Variants in PRKCA observed in about 807,000 individuals in gnomAD.
PRKCA encodes the protein protein kinase C alpha.
PRKCA carries 27 observed loss-of-function variants against 87.0 expected under a neutral mutation model. The ratio of observed to expected loss-of-function variants is 0.31; its 90% CI spans 0.23 to 0.43. PRKCA has a LOEUF of 0.43. PRKCA is among the 20% of genes least tolerant of loss of function. The probability of loss-of-function intolerance (pLI) is 1.00; values close to 1 mark genes in which losing one functional copy is unlikely to be tolerated. For missense variants in PRKCA, 518 were observed against 852.3 expected, an observed-to-expected ratio of 0.61 and a Z score of 4.88; for synonymous variants, 329 against 311.1, an observed-to-expected ratio of 1.06 and a Z score of -0.61.
intron 5 of PRKCA, among the ~76,000 whole-genome samples, chr17:66,660,900 C>T (rs932653647): frequency 4.6e-5 from 7 of 150,886 alleles, no homozygotes; most frequent in South Asian, 2.1e-4. Flanking sequence ...CAGAGCAAGA[C>T]GCTGTCTTAA....
chr17:66,303,434 G>C (rs1436318331), intron 1 of PRKCA, among the ~76,000 whole-genome samples: 1 of 152,140 alleles, frequency 6.6e-6, no homozygotes, highest in East Asian at 1.9e-4. Flanking sequence ...CCGGAGTAAC[G>C]GGGGAGCGGC....
rs186809424 is a variant in PRKCA, at chr17:66,589,104, G to T, written c.289-52251G>T. Among the ~76,000 whole-genome samples, 18 of 152,042 alleles carry T rather than the reference G, an allele frequency of 1.2e-4. 1 individual carries two copies. The East Asian group carries it at 2.7e-3, about 23-fold the overall frequency. ...GAACGTGAAGTCTGCCCACTTCCAG[G>T]TCATGGGATCTTAAGTTCTTATGAC... On this transcript the variant is annotated intron_variant, in intron 3 of 16. Transcript: ENST00000413366.
At chr17:66,776,543 C>T (rs1975053895) in intron 14 of PRKCA, among the ~76,000 whole-genome samples, 1 of 151,974 alleles carries the variant, frequency 6.6e-6, no homozygotes, top group Non-Finnish European at 1.5e-5. Context: ...CTCCTGACCT[C>T]GTGATCCACC....
chr17:66,639,541 C>A lies in PRKCA; in HGVS notation c.289-1814C>A, dbSNP rs1971235402. 2.0e-5 allele frequency among the ~76,000 whole-genome samples: 3 copies of A among 152,116 alleles called. No homozygotes were observed. In the South Asian group the frequency reaches 6.2e-4, roughly 32 times the overall value. ...TAGCTGGGATTACAGGCACACGCCA[C>A]CATGCCTGGGTAATTTTTGTATTTT... On this transcript the variant is annotated intron_variant, in intron 3 of 16. Coordinates refer to ENST00000413366, the MANE Select transcript of PRKCA (RefSeq NM_002737.3).
At chr17:66,526,368 C>T (rs1967348004) in intron 3 of PRKCA, among the ~76,000 whole-genome samples, 1 of 152,194 alleles carries the variant, frequency 6.6e-6, no homozygotes, top group Non-Finnish European at 1.5e-5. Context: ...GTTATCGCTT[C>T]CAGTCATGTT....
intron 2 of PRKCA, among the ~76,000 whole-genome samples, chr17:66,453,875 A>C (rs1358550354): frequency 1.3e-5 from 2 of 152,228 alleles, no homozygotes; most frequent in Non-Finnish European, 2.9e-5. Context: ...GGGTTTTTTC[A>C]GATCCAATAG....
In PRKCA at chr17:66,501,717, C is replaced by T. The variant is rs541395707; in HGVS notation, c.288+5434C>T. Among the ~76,000 whole-genome samples, 10 of 152,338 alleles carry T rather than the reference C, an allele frequency of 6.6e-5. No individual in the cohort carries two copies. In the South Asian group the frequency reaches 2.1e-3, roughly 32 times the overall value. ...CAGCATCCGAGGTTTCATCAGACAA[C>T]ATAAAATAAGACAAAAGTGCTCTGT... is the stretch of plus-strand genomic sequence containing the variant. On this transcript the variant is annotated intron_variant, in intron 3 of 16. Coordinates refer to ENST00000413366, the MANE Select transcript of PRKCA (RefSeq NM_002737.3).
chr17:66,391,585 C>T (rs1910360086), intron 2 of PRKCA, among the ~76,000 whole-genome samples: 1 of 152,210 alleles, frequency 6.6e-6, no homozygotes, highest in South Asian at 2.1e-4. Context: ...TACTCAACCA[C>T]TAGATGGTCA....
chr17:66,780,054 C>T (rs1054852827), intron 14 of PRKCA, among the ~76,000 whole-genome samples: 5 of 152,182 alleles, frequency 3.3e-5, no homozygotes, highest in Non-Finnish European at 7.3e-5. Context: ...GTCAGATGCT[C>T]CAGGGAGACT....
intron 2 of PRKCA, among the ~76,000 whole-genome samples, chr17:66,318,253 G>A (rs1019475334): frequency 1.3e-5 from 2 of 152,112 alleles, no homozygotes; most frequent in Admixed American, 1.3e-4. Flanking sequence ...TAAAAAATGA[G>A]GCTTTGTTTC....
intron 2 of PRKCA, among the ~76,000 whole-genome samples, chr17:66,478,801 C>A (rs1047462017): frequency 1.3e-5 from 2 of 152,160 alleles, no homozygotes; most frequent in Non-Finnish European, 2.9e-5. Context: ...TCTCTTGCAA[C>A]AACTTACAGT....
intron 16 of PRKCA, among the ~76,000 whole-genome samples, chr17:66,801,884 A>G (rs972458953): frequency 6.6e-6 from 1 of 152,194 alleles, no homozygotes; most frequent in Admixed American, 6.5e-5. Context: ...TGTGGTGTGA[A>G]ATCTCCTTGG....
chr17:66,727,682 A>C (rs1973790102), intron 8 of PRKCA, among the ~76,000 whole-genome samples: 1 of 152,020 alleles, frequency 6.6e-6, no homozygotes, highest in Non-Finnish European at 1.5e-5. Context: ...TTCCTGTTTG[A>C]GTTTTCTTGA....
Position 66,689,196 on chromosome 17 carries a change from T to C in PRKCA, c.918+149T>C. The C allele has an allele frequency of 3.5e-6, 2 of 568,976 alleles. No homozygotes were observed. Among genetic ancestry groups the C allele is most frequent in the Non-Finnish European group, 6.2e-6 (2 of 323,482 alleles). The allele number at this position is 568,976 out of a possible 1,614,324, so 35.2% of individuals were successfully genotyped here. A position where few individuals can be genotyped will look rare whatever the true frequency, so the allele number is the denominator to read the frequency against. On this transcript the variant is annotated intron_variant, in intron 8 of 16. Transcript: ENST00000413366. The surrounding 1 kb of genome is among the most constrained non-coding windows in gnomAD (Gnocchi z 4.1). The stretch of plus-strand genomic sequence containing the variant: ...TTTCTTTATTTAAAAACATGAATGT[T>C]GTTCGTTCCCTTTCCTTTGCAAGCT...
chr17:66,648,569 A>G (rs950945425), intron 5 of PRKCA, among the ~76,000 whole-genome samples: 12 of 152,218 alleles, frequency 7.9e-5, no homozygotes, highest in African/African-American at 2.7e-4. Flanking sequence ...ATTGGAATCT[A>G]TTTTTAAAGT....
At chr17:66,506,278 A>G (rs1916973286) in intron 3 of PRKCA, among the ~76,000 whole-genome samples, 1 of 151,324 alleles carries the variant, frequency 6.6e-6, no homozygotes, top group Non-Finnish European at 1.5e-5. Flanking sequence ...TCTGGGCGAC[A>G]CGGTGAGACC....
At chr17:66,592,539 A>G (rs1465556109) in intron 3 of PRKCA, among the ~76,000 whole-genome samples, 3 of 152,188 alleles carry the variant, frequency 2.0e-5, no homozygotes, top group African/African-American at 7.2e-5. Flanking sequence ...CGGTGCGTCC[A>G]AGGAATCACA....
intron 3 of PRKCA, among the ~76,000 whole-genome samples, chr17:66,617,258 A>G (rs865973835): frequency 2.0e-5 from 3 of 152,090 alleles, no homozygotes; most frequent in Non-Finnish European, 4.4e-5. Context: ...CTACCTCGGT[A>G]TGGGCTGTTT....
At chr17:66,495,525 G>GTATTTTATTTTATTTTATTT (rs56718851) in intron 2 of PRKCA, among the ~76,000 whole-genome samples, 31,491 of 137,152 alleles carry the variant, frequency 0.23, 4,412 homozygotes, top group Middle Eastern at 0.32. Context: ...ATGGTGCAAA[G>GTATTTTATTTTATTTTATTT]TATTTTATTT....
Sources: gnomAD v4.1 joint callset for allele counts (sites outside exome capture counted in the v4.1 genomes callset) on GRCh38, gnomAD v4.1.1 for gene constraint, Gnocchi (gnomAD v3.1) non-coding constraint, MANE v1.5 for transcripts, NCBI Gene and HGNC (gene_info 2026-07-23, HGNC 2026-07-21) for gene names.